Variants in CPM observed in about 807,000 individuals in gnomAD.
The protein encoded by CPM is renal carboxypeptidase.
A neutral mutation model predicts 46.4 loss-of-function variants in CPM; 35 were observed. The ratio of observed to expected loss-of-function variants is 0.75; its 90% CI spans 0.58 to 1.00. CPM has a LOEUF of 1.00. Ranked by LOEUF, CPM falls within the 50% of genes least tolerant of loss-of-function variation. The pLI, the probability that CPM is intolerant of heterozygous loss-of-function variation, is 0.00. For missense variants in CPM, 422 were observed against 530.4 expected, an observed-to-expected ratio of 0.80 and a Z score of 2.01; for synonymous variants, 195 against 195.3, an observed-to-expected ratio of 1.00 and a Z score of 0.01.
intron 5 of CPM, chr12:68,843,148 C>T (rs1883944881): frequency 4.5e-6 from 1 of 221,174 alleles, no homozygotes. Context: ...ATGGGTAGAA[C>T]ATGTGTCTGT....
At chr12:68,884,851 T>C (rs1364911467) in intron 3 of CPM, among the ~76,000 whole-genome samples, 1 of 152,164 alleles carries the variant, frequency 6.6e-6, no homozygotes, top group African/African-American at 2.4e-5. Context: ...GTAACAGTGG[T>C]AAATGGTATT....
At chr12:68,954,451 T>C (rs17105946) in intron 1 of CPM, among the ~76,000 whole-genome samples, 2,538 of 152,272 alleles carry the variant, frequency 0.017, 76 homozygotes, top group African/African-American at 0.058. Flanking sequence ...TCTCTTGGCT[T>C]CTGAGACACA....
chr12:68,884,218 G>A (rs950759822), intron 3 of CPM, among the ~76,000 whole-genome samples: 17 of 150,420 alleles, frequency 1.1e-4, no homozygotes, highest in African/African-American at 2.7e-4. Context: ...TGTCTATAAC[G>A]AACAGTTGTT....
downstream of CPM, chr12:68,848,824 T>TGCCTCA (rs1884506510): frequency 6.6e-6 from 1 of 152,252 alleles, no homozygotes. Context: ...GCAATTCTCC[T>TGCCTCA]GCCTCAGCCT....
At chr12:68,868,532 C>T (rs919834331) in intron 6 of CPM, among the ~76,000 whole-genome samples, 5 of 152,184 alleles carry the variant, frequency 3.3e-5, no homozygotes, top group Middle Eastern at 3.4e-3. Flanking sequence ...AGTTCCAGTC[C>T]GTCTCTCCTC....
downstream of CPM, chr12:68,847,196 T>TATATATATATATATATATATATATATA (rs1884363867): frequency 4.3e-5 from 4 of 92,054 alleles, no homozygotes; most frequent in African/African-American, 1.2e-4. Flanking sequence ...TGTGTGTACA[T>TATATATATATATATATATATATATATA]TATATATATA....
chr12:68,929,286 C>G (rs2047481), intron 2 of CPM, among the ~76,000 whole-genome samples: 38,352 of 151,926 alleles, frequency 0.25, 6,946 homozygotes, highest in African/African-American at 0.52. Context: ...GCTTCCCATG[C>G]CTTTTGCTCA....
At chr12:68,926,231 A>T (rs892192983) in intron 2 of CPM, among the ~76,000 whole-genome samples, 28 of 152,176 alleles carry the variant, frequency 1.8e-4, no homozygotes, top group Non-Finnish European at 3.5e-4. Flanking sequence ...AAATTAATTT[A>T]AAAAAATATT....
At chr12:68,935,250 GTTTGT>G (rs1273883455), upstream of CPM, among the ~76,000 whole-genome samples, 2 of 21,996 alleles carry the variant, frequency 9.1e-5, no homozygotes, top group Non-Finnish European at 2.1e-4. Flanking sequence ...TTTATTGTTT[GTTTGT>G]TTGTTTGTTT....
chr12:68,937,679 CA>C (rs200334264), upstream of CPM, among the ~76,000 whole-genome samples: 1 of 151,028 alleles, frequency 6.6e-6, no homozygotes, highest in South Asian at 2.1e-4. Context: ...ATAAAGCAAA[CA>C]AAAAAAAACT....
At chr12:68,908,396 C>CTT (rs552096776) in intron 2 of CPM, among the ~76,000 whole-genome samples, 24 of 140,906 alleles carry the variant, frequency 1.7e-4, no homozygotes, top group African/African-American at 5.2e-4. Context: ...CAGGACACAG[C>CTT]TTTTTTTTTT....
chr12:68,883,037 C>A (rs574752023), intron 3 of CPM, among the ~76,000 whole-genome samples: 1 of 152,314 alleles, frequency 6.6e-6, no homozygotes, highest in East Asian at 1.9e-4. Context: ...CACACACGCA[C>A]AGTGGGGGTG....
chr12:68,937,038 A>G, upstream of CPM, among the ~76,000 whole-genome samples: 1 of 152,266 alleles, frequency 6.6e-6, no homozygotes, highest in African/African-American at 2.4e-5. Flanking sequence ...AAAAAGATTG[A>G]CAATACCTGG....
intron 1 of CPM, among the ~76,000 whole-genome samples, chr12:68,943,011 T>G (rs1016009922): frequency 2.6e-5 from 4 of 152,226 alleles, no homozygotes; most frequent in African/African-American, 9.6e-5. Context: ...TGTCATTTTT[T>G]GTTTCCCCCA....
intron 1 of CPM, 89 bp from the exon 2 acceptor site, chr12:68,932,929 G>T: frequency 4.8e-6 from 6 of 1,242,024 alleles, no homozygotes; most frequent in Non-Finnish European, 6.8e-6. Context: ...CCGGTCTCAG[G>T]GTCTCCCGAC....
chr12:68,919,085 TTGCACTTTG>T (rs1887931201), intron 2 of CPM, among the ~76,000 whole-genome samples: 1 of 152,222 alleles, frequency 6.6e-6, no homozygotes, highest in South Asian at 2.1e-4. Flanking sequence ...TGCACATCAC[TTGCACTTTG>T]TGCACTTTGT....
At chr12:68,932,960 A>T (rs1475299632) in intron 1 of CPM, 120 bp from the exon 2 acceptor site, 27 of 843,776 alleles carry the variant, frequency 3.2e-5, no homozygotes, top group Middle Eastern at 3.6e-4. Context: ...CCTGCCTCCT[A>T]AGGAGGCAAA....
At chr12:68,842,460 T>A in intron 5 of CPM, 1 of 421,128 alleles carries the variant, frequency 2.4e-6, no homozygotes, top group Middle Eastern at 3.4e-4. Flanking sequence ...ACCTCTAAAT[T>A]ATTGACTTAT....
upstream of CPM, among the ~76,000 whole-genome samples, chr12:68,936,297 TAA>T (rs1464134149): frequency 6.6e-6 from 1 of 152,208 alleles, no homozygotes. Flanking sequence ...AATTTAGTGT[TAA>T]GAGTATGAAA....
Sources: gnomAD v4.1 joint callset for allele counts (sites outside exome capture counted in the v4.1 genomes callset) on GRCh38, gnomAD v4.1.1 for gene constraint, MANE v1.5 for transcripts, NCBI Gene and HGNC (gene_info 2026-07-23, HGNC 2026-07-21) for gene names.